KIAA0319: variants seen among roughly 807,000 people sequenced by gnomAD.
The protein encoded by KIAA0319 is dyslexia-associated protein KIAA0319.
In KIAA0319, 83 loss-of-function variants were observed where a neutral mutation model predicts 108.4. That is an observed-to-expected ratio of 0.77 (90% CI 0.64 to 0.92). The LOEUF is 0.92. Ranked by LOEUF, KIAA0319 falls within the 40% of genes least tolerant of loss-of-function variation. KIAA0319 has a pLI of 0.00. For synonymous variants in KIAA0319, 484 were observed against 510.4 expected (o/e 0.95, Z 0.70); for missense variants, 1,195 against 1,322.4 (o/e 0.90, Z 1.49).
Position 24,566,655 on chromosome 6 carries a change from T to C in KIAA0319, c.2234A>G (p.Asp745Gly), listed in dbSNP as rs1432942033. ...CAGATAGGACACAATTCTTTGGTCA[T>C]CAGTAGACCTTGAACCATCCAAAGT... ...SITLDGSRST[D>G]DQRIVSYLWI... Residue 745 changes from aspartate to glycine, a missense_variant, in exon 14 of 21, where the codon GAT (aspartate) becomes GGT (glycine). Coordinates refer to ENST00000378214, the MANE Select transcript of KIAA0319 (RefSeq NM_014809.4). The C allele has an allele frequency of 1.2e-6, 2 of 1,613,280 alleles. No homozygotes were observed. The highest frequency in any genetic ancestry group is 2.7e-5 in the African/African-American group (2 of 74,922).
At chr6:24,601,257 G>A in intron 1 of KIAA0319, 49 bp from the exon 2 acceptor site, 1 of 1,464,492 alleles carries the variant, frequency 6.8e-7, no homozygotes, top group Non-Finnish European at 9.0e-7. Flanking sequence ...ATAGGTAAAT[G>A]TAGAAACATC....
rs1048100133 is a variant in KIAA0319 at position 24,571,156 on chromosome 6, C to A, written c.1859-1121G>T. Among the ~76,000 whole-genome samples, 3 of 151,558 alleles carry A rather than the reference C, an allele frequency of 2.0e-5. No homozygotes were observed. In the South Asian group the frequency reaches 6.3e-4, roughly 32 times the overall value. On this transcript the variant is annotated intron_variant, in intron 11 of 20. Coordinates refer to ENST00000378214, the MANE Select transcript of KIAA0319 (RefSeq NM_014809.4). ...GCAGTGAGTCAAGATCATGCCACTG[C>A]ACTCCAGCCTAGACGACAGAGTGAG...
At chr6:24,556,780 T>C in intron 17 of KIAA0319, 51 bp from the exon 18 acceptor site, 2 of 1,568,788 alleles carry the variant, frequency 1.3e-6, no homozygotes, top group Non-Finnish European at 1.7e-6. Flanking sequence ...AGGGAATCCC[T>C]GGATTCAGCT....
At chr6:24,613,948 G>A (rs1772760734) in intron 1 of KIAA0319, among the ~76,000 whole-genome samples, 1 of 152,042 alleles carries the variant, frequency 6.6e-6, no homozygotes, top group Non-Finnish European at 1.5e-5. Flanking sequence ...TAACTGCCTT[G>A]TTTTTTTGGT....
chr6:24,576,079 G>A (rs1032438456), intron 10 of KIAA0319, among the ~76,000 whole-genome samples: 7 of 152,038 alleles, frequency 4.6e-5, no homozygotes, highest in East Asian at 1.9e-4. Flanking sequence ...CTCCCAATAC[G>A]AAAATACTTC....
chr6:24,603,071 G>A (rs6930861), intron 1 of KIAA0319, among the ~76,000 whole-genome samples: 136,979 of 152,296 alleles, frequency 0.9, 61,644 homozygotes, highest in East Asian at 0.98. Context: ...GAAGAAAGTG[G>A]TAAATCTTGG....
intron 10 of KIAA0319, 40 bp from the exon 11 acceptor site, chr6:24,572,738 CAAAAA>C: frequency 6.4e-7 from 1 of 1,553,732 alleles, no homozygotes; most frequent in South Asian, 1.2e-5. Context: ...CAAAACAAAA[CAAAAA>C]AGTAAAGAAG....
chr6:24,580,372 C>T (rs369728222), intron 7 of KIAA0319, among the ~76,000 whole-genome samples: 23 of 124,802 alleles, frequency 1.8e-4, no homozygotes, highest in African/African-American at 6.3e-4. Context: ...TCAGGGTGGG[C>T]TGAAGTGGGT....
At chr6:24,638,759 CAA>C (rs70974924) in intron 1 of KIAA0319, among the ~76,000 whole-genome samples, 71,076 of 140,558 alleles carry the variant, frequency 0.51, 18,688 homozygotes, top group East Asian at 0.75. Context: ...GACTCCGTCT[CAA>C]AAAAAAAAAA....
intron 1 of KIAA0319, among the ~76,000 whole-genome samples, chr6:24,631,833 A>G (rs1219082935): frequency 6.6e-6 from 1 of 152,244 alleles, no homozygotes; most frequent in African/African-American, 2.4e-5. Context: ...GAGAAAGTGC[A>G]GACACCCCCG....
intron 1 of KIAA0319, among the ~76,000 whole-genome samples, chr6:24,621,514 T>C (rs915562340): frequency 1.9e-4 from 29 of 152,176 alleles, no homozygotes; most frequent in African/African-American, 7.0e-4. Context: ...TTGGCATCAT[T>C]AAGAAAATCT....
chr6:24,596,248 G>C lies in KIAA0319; in HGVS notation c.426C>G (p.Thr142=). 1 of 1,614,204 alleles carries C rather than the reference G, an allele frequency of 6.2e-7. No individual in the cohort carries two copies. The highest frequency in any genetic ancestry group is 8.5e-7 in the Non-Finnish European group (1 of 1,180,038). Residue 142 remains threonine, a synonymous_variant, in exon 3 of 21, where the codon ACC becomes ACG. Coordinates refer to ENST00000378214, the MANE Select transcript of KIAA0319 (RefSeq NM_014809.4). The part of the protein sequence containing the change: ...DSPEDIRKDL[T]FLGKDWGLEE... ...CTAGGCCCCAATCTTTGCCTAGAAAGGTCAAGTCCTTTCTGATATCCTCAG... is the reference window on the plus strand; with the variant it reads ...CTAGGCCCCAATCTTTGCCTAGAAACGTCAAGTCCTTTCTGATATCCTCAG...
chr6:24,565,906 A>AAG (rs1331173824), intron 14 of KIAA0319, among the ~76,000 whole-genome samples: 1 of 152,224 alleles, frequency 6.6e-6, no homozygotes, highest in Non-Finnish European at 1.5e-5. Context: ...AGGAACAGAA[A>AAG]AGAATCCACT....
chr6:24,565,308 C>T (rs1458928231), intron 14 of KIAA0319, among the ~76,000 whole-genome samples: 4 of 148,538 alleles, frequency 2.7e-5, no homozygotes, highest in Non-Finnish European at 5.9e-5. Context: ...CTCCTTAGTA[C>T]ATCTCCAAGA....
chr6:24,566,766 A>G lies in KIAA0319; in HGVS notation c.2141-18T>C. ...ATTATTTTCTAAGTCAAATATAGCA[A>G]AATGAAAGCAAAGAGATTGATTTAA... On this transcript the variant is annotated intron_variant, in intron 13 of 20. Coordinates refer to ENST00000378214, the MANE Select transcript of KIAA0319 (RefSeq NM_014809.4). 2 of 1,592,984 alleles carry G rather than the reference A, an allele frequency of 1.3e-6. No homozygotes were observed. The highest frequency in any genetic ancestry group is 1.7e-6 in the Non-Finnish European group (2 of 1,170,932).
intron 3 of KIAA0319, among the ~76,000 whole-genome samples, chr6:24,594,226 A>G (rs1472544181): frequency 3.1e-5 from 3 of 97,496 alleles, no homozygotes; most frequent in Non-Finnish European, 6.5e-5. Flanking sequence ...AAAAAAAAAA[A>G]AAAAAAAAAA....
intron 18 of KIAA0319, among the ~76,000 whole-genome samples, chr6:24,556,167 TCCCTC>T (rs1032834781): frequency 6.7e-6 from 1 of 149,634 alleles, no homozygotes; most frequent in Non-Finnish European, 1.5e-5. Flanking sequence ...TTCCCTCCCT[TCCCTC>T]CCCTCCCCTC....
At chr6:24,562,265 A>G (rs544977354) in intron 16 of KIAA0319, among the ~76,000 whole-genome samples, 1 of 152,344 alleles carries the variant, frequency 6.6e-6, no homozygotes, top group African/African-American at 2.4e-5. Context: ...TGTCCAAGAA[A>G]CAACTTTTGG....
chr6:24,571,952 A>C (rs759103820), intron 11 of KIAA0319, among the ~76,000 whole-genome samples: 1 of 152,258 alleles, frequency 6.6e-6, no homozygotes, highest in Admixed American at 6.5e-5. Context: ...AAGGGCAGAG[A>C]TCAAGTCTAT....
Sources: gnomAD v4.1 joint callset for allele counts (sites outside exome capture counted in the v4.1 genomes callset) on GRCh38, gnomAD v4.1.1 for gene constraint, MANE v1.5 for transcripts, NCBI Gene and HGNC (gene_info 2026-07-23, HGNC 2026-07-21) for gene names.